The following ATAT1 variants were observed in gnomAD, a reference collection of about 807,000 sequenced individuals.
The protein encoded by ATAT1 is alpha-tubulin N-acetyltransferase 1.
ATAT1 carries 42 observed loss-of-function variants against 57.2 expected under a neutral mutation model. The ratio of observed to expected loss-of-function variants is 0.73; its 90% CI spans 0.57 to 0.95. The LOEUF (loss-of-function observed/expected upper bound fraction) is 0.95. Among genes scored for constraint, ATAT1 ranks in the 40% least tolerant of loss-of-function variants. The pLI, the probability that ATAT1 is intolerant of heterozygous loss-of-function variation, is 0.00. For synonymous variants in ATAT1, 168 were observed against 187.1 expected (o/e 0.90, Z 0.83); for missense variants, 454 against 523.7 (o/e 0.87, Z 1.30).
intron 10 of ATAT1, chr6:30,643,833 TTC>T: frequency 7.6e-7 from 1 of 1,319,398 alleles, no homozygotes; most frequent in Non-Finnish European, 9.7e-7. Flanking sequence ...GTTGCCAGAC[TTC>T]TTGGTTAGAT....
intron 8 of ATAT1, 98 bp from the exon 9 acceptor site, chr6:30,642,078 A>G: frequency 1.3e-6 from 2 of 1,588,632 alleles, no homozygotes; most frequent in Non-Finnish European, 1.7e-6. Context: ...CTGTGGTGTC[A>G]GGGAGCAGAG....
chr6:30,645,951 T>G lies in ATAT1; in HGVS notation c.989T>G (p.Val330Gly). 1.3e-6 allele frequency: 2 copies of G among 1,529,576 alleles called. No individual in the cohort carries two copies. The highest frequency in any genetic ancestry group is 1.8e-6 in the Non-Finnish European group (2 of 1,136,562). The allele number at this position is 1,529,576 out of a possible 1,614,324, so 94.8% of individuals were successfully genotyped here. A position where few individuals can be genotyped will look rare whatever the true frequency, so the allele number is the denominator to read the frequency against. Residue 330 changes from valine to glycine, a missense_variant, in exon 11 of 13, where the codon GTG becomes GGG. Physicochemically the swap from Val to Gly is moderately radical, Grantham distance 109. Transcript: ENST00000330083. ...TGCTGCTACAGCCGCCATGGGGGGGTGAATTCCTCATCCCCCAATACAGGT... is the reference window on the plus strand; with the variant it reads ...TGCTGCTACAGCCGCCATGGGGGGGGGAATTCCTCATCCCCCAATACAGGT...
At chr6:30,641,348 ACTCG>A (rs1349453994) in intron 8 of ATAT1, among the ~76,000 whole-genome samples, 2 of 152,130 alleles carry the variant, frequency 1.3e-5, no homozygotes, top group African/African-American at 4.8e-5. Context: ...AGGCACCTCA[ACTCG>A]CTTTGGTTTC....
At chr6:30,628,173 C>T in intron 5 of ATAT1, 28 bp downstream of exon 5, 1 of 1,595,400 alleles carries the variant, frequency 6.3e-7, no homozygotes, top group Non-Finnish European at 8.6e-7. Context: ...ACTGGTTCAT[C>T]CAAACTAGGG....
In ATAT1 at chr6:30,642,283, G is replaced by A. The variant is rs1464555333; in HGVS notation, c.688+36G>A. ...CAAGGGTCGGGTGTCTGGGCCTGGG[G>A]TACCTTAACACAAGGGAAGAGAATG... On this transcript the variant is annotated intron_variant, in intron 9 of 12. Coordinates refer to ENST00000330083, the MANE Select transcript of ATAT1 (RefSeq NM_001031722.4). 4 of 1,613,120 alleles carry A rather than the reference G, an allele frequency of 2.5e-6. No individual in the cohort carries two copies. The African/African-American group carries it at 4.0e-5, about 16-fold the overall frequency.
In ATAT1 at chr6:30,628,360, T is replaced by C; in HGVS notation, c.431T>C (p.Ile144Thr). The change falls in exon 6 of 13, where the codon ATT (isoleucine) becomes ACT (threonine). Residue 144 changes from isoleucine to threonine, a missense_variant. Around this residue, in one of 3 missense-constraint regions of ATAT1, gnomAD observed 236 missense variants for 284.5 expected, o/e 0.83. Transcript: ENST00000330083. ...CGAGTGGAACCGCACCAACTGGCAATTGACCGACCCTCACAGAAGCTGCTG... is the reference window on the plus strand; with the variant it reads ...CGAGTGGAACCGCACCAACTGGCAACTGACCGACCCTCACAGAAGCTGCTG... 6.2e-7 allele frequency: 1 copy of C among 1,613,086 alleles called. No individual in the cohort carries two copies. The highest frequency in any genetic ancestry group is 8.5e-7 in the Non-Finnish European group (1 of 1,180,038).
At chr6:30,634,648 A>G (rs1255278274) in intron 6 of ATAT1, among the ~76,000 whole-genome samples, 2 of 142,586 alleles carry the variant, frequency 1.4e-5, no homozygotes, top group Non-Finnish European at 3.0e-5. Flanking sequence ...CATATTCATT[A>G]TAATCTCAAA....
intron 8 of ATAT1, chr6:30,641,777 A>T (rs1383063574): frequency 9.8e-7 from 1 of 1,022,132 alleles, no homozygotes; most frequent in Non-Finnish European, 1.2e-6. Flanking sequence ...GGCTTTGTCC[A>T]TCTCATCCAG....
intron 6 of ATAT1, among the ~76,000 whole-genome samples, chr6:30,630,277 C>T (rs746779843): frequency 1.8e-4 from 27 of 151,828 alleles, no homozygotes; most frequent in African/African-American, 3.9e-4. Context: ...GCCAAGATCG[C>T]GCCACTGCAT....
rs375646690 is a variant in ATAT1, at chr6:30,639,073, TG to T, written c.502-1301del. On this transcript the variant is annotated intron_variant, in intron 6 of 12. Coordinates refer to ENST00000330083, the MANE Select transcript of ATAT1 (RefSeq NM_001031722.4). ...TCAGCTCACTGCAACCTCCGCCTCC[TG>T]GGTTCAAGCGACTCTCCTGCCTCAG... Among the ~76,000 whole-genome samples, 41 of 151,156 alleles carry T rather than the reference TG, an allele frequency of 2.7e-4. No individual in the cohort carries two copies. The East Asian group carries it at 7.7e-3, about 28-fold the overall frequency.
chr6:30,627,370 T>C (rs1356646693), intron 1 of ATAT1, 90 bp from the exon 2 acceptor site: 2 of 1,604,282 alleles, frequency 1.2e-6, no homozygotes, highest in Non-Finnish European at 1.7e-6. Context: ...TAAACCTGGG[T>C]TGGAGTTGTG....
At position 30,628,352 on chromosome 6, in the gene ATAT1, A is replaced by G; in HGVS notation, c.423A>G (p.Gln141=). 6.2e-7 allele frequency: 1 copy of G among 1,613,034 alleles called. No homozygotes were observed. Among genetic ancestry groups the G allele is most frequent in the Non-Finnish European group, 8.5e-7 (1 of 1,180,022 alleles). The change falls in exon 6 of 13, where the codon CAA becomes CAG. Residue 141 remains glutamine, a synonymous_variant. Transcript: ENST00000330083. ...AGAAGGAGCGAGTGGAACCGCACCAACTGGCAATTGACCGACCCTCACAGA... is the reference window on the plus strand; with the variant it reads ...AGAAGGAGCGAGTGGAACCGCACCAGCTGGCAATTGACCGACCCTCACAGA...
chr6:30,627,664 G>T lies in ATAT1; in HGVS notation c.161G>T (p.Ser54Ile). The T allele has an allele frequency of 1.2e-6, 2 of 1,613,008 alleles. No individual in the cohort carries two copies. The highest frequency in any genetic ancestry group is 1.7e-6 in the Non-Finnish European group (2 of 1,179,992). The stretch of plus-strand genomic sequence containing the variant: ...CAGAATCTTTCCGCTCCTATCACTA[G>T]TGCATCAAGGATGCAGAGTAACCGC... Residue 54 changes from serine (S) to isoleucine (I), a missense_variant, in exon 3 of 13, where the codon AGT becomes ATT. Ser to Ile is a moderately radical substitution (Grantham distance 142, BLOSUM62 -2). Coordinates refer to ENST00000330083, the MANE Select transcript of ATAT1 (RefSeq NM_001031722.4).
intron 10 of ATAT1, chr6:30,643,873 A>T (rs1030687990): frequency 3.2e-6 from 4 of 1,256,374 alleles, no homozygotes; most frequent in African/African-American, 1.5e-5. Context: ...AGAGAAGCAC[A>T]CTCTTGCTTG....
At chr6:30,642,681 C>G in intron 9 of ATAT1, 87 bp from the exon 10 acceptor site, 3 of 861,254 alleles carry the variant, frequency 3.5e-6, no homozygotes, top group Non-Finnish European at 5.6e-6. Flanking sequence ...TCAGATTTCT[C>G]TTTTTTTCTA....
chr6:30,639,402 T>C (rs1026258366), intron 6 of ATAT1, among the ~76,000 whole-genome samples: 7 of 152,200 alleles, frequency 4.6e-5, no homozygotes, highest in African/African-American at 1.7e-4. Flanking sequence ...TCATATATTC[T>C]AGATAGAACG....
intron 12 of ATAT1, 130 bp from the exon 13 acceptor site, chr6:30,646,339 A>C: frequency 6.9e-7 from 1 of 1,447,948 alleles, no homozygotes; most frequent in Non-Finnish European, 9.1e-7. Context: ...TGGACATAGC[A>C]CTAATGGTTC....
Position 30,628,400 on chromosome 6 carries a change from G to A in ATAT1, c.471G>A (p.Lys157=). ...AGAAGCTGCTGAAATTCCTGAATAA[G>A]CACTACAATCTGGAGACCACAGTCC... Residue 157 remains lysine, a synonymous_variant, in exon 6 of 13, where the codon AAG becomes AAA. Coordinates refer to ENST00000330083, the MANE Select transcript of ATAT1 (RefSeq NM_001031722.4). 1 of 1,612,980 alleles carries A rather than the reference G, an allele frequency of 6.2e-7. No homozygotes were observed. The highest frequency in any genetic ancestry group is 8.5e-7 in the Non-Finnish European group (1 of 1,179,952).
rs1765945952 is a variant in ATAT1 at position 30,643,370 on chromosome 6, C to T, written c.932+359C>T. 3.4e-6 allele frequency: 5 copies of T among 1,457,280 alleles called. No individual in the cohort carries two copies. In the South Asian group the frequency reaches 7.1e-5, roughly 21 times the overall value. The allele number at this position is 1,457,280 out of a possible 1,614,324, so 90.3% of individuals were successfully genotyped here. A position where few individuals can be genotyped will look rare whatever the true frequency, so the allele number is the denominator to read the frequency against. Reference sequence around the variant, plus strand: ...CAGTGTCTGACAGAGAGTGGGAAGCCACTGGCTTGTGTGCCAAGAGTCCAT... The same window carrying T: ...CAGTGTCTGACAGAGAGTGGGAAGCTACTGGCTTGTGTGCCAAGAGTCCAT... On this transcript the variant is annotated intron_variant, in intron 10 of 12. Transcript: ENST00000330083.
Sources: allele counts gnomAD v4.1 joint callset (sites outside exome capture counted in the v4.1 genomes callset), GRCh38; gene constraint gnomAD v4.1.1; regional missense constraint gnomAD v4.1.1; transcripts MANE v1.5; gene names NCBI Gene and HGNC (gene_info 2026-07-23, HGNC 2026-07-21).